Variants in PIEZO2 observed in about 807,000 individuals in gnomAD.
PIEZO2 encodes the protein piezo type mechanosensitive ion channel component 2.
PIEZO2 carries 172 observed loss-of-function variants against 337.3 expected under a neutral mutation model. The ratio of observed to expected loss-of-function variants is 0.51; its 90% CI spans 0.45 to 0.58. The LOEUF is 0.58. PIEZO2 is among the 20% of genes least tolerant of loss of function. The pLI is 0.00. For missense variants in PIEZO2, 3,028 were observed against 3,391.3 expected (o/e 0.89, Z 2.66); for synonymous variants, 1,251 against 1,228.5 (o/e 1.02, Z -0.38).
intron 4 of PIEZO2, among the ~76,000 whole-genome samples, chr18:10,889,426 T>C (rs1444092845): frequency 6.6e-6 from 1 of 152,246 alleles, no homozygotes; most frequent in Non-Finnish European, 1.5e-5. Flanking sequence ...CCCTGAAAAC[T>C]ATAAAGTGTG....
intron 30 of PIEZO2, among the ~76,000 whole-genome samples, chr18:10,745,358 C>T (rs1373203138): frequency 1.3e-5 from 2 of 152,086 alleles, no homozygotes; most frequent in Non-Finnish European, 2.9e-5. Flanking sequence ...CTTAAAAAAA[C>T]GAAAAAGAAA....
At chr18:10,797,608 T>C (rs1412929006) in intron 11 of PIEZO2, 86 bp from the exon 12 acceptor site, 3 of 1,484,026 alleles carry the variant, frequency 2.0e-6, no homozygotes, top group Admixed American at 5.0e-5. Flanking sequence ...ACATGTATGG[T>C]TTTGGTATAG....
rs1313310345 is a variant in PIEZO2, at chr18:11,083,285, T to C, written c.65-17063A>G. Among the ~76,000 whole-genome samples the C allele has an allele frequency of 1.3e-5, 2 of 152,250 alleles. No homozygotes were observed. Among genetic ancestry groups the C allele is most frequent in the East Asian group, 3.8e-4 (2 of 5,196 alleles). Reference sequence around the variant, plus strand: ...ATGTCCAGCTACTCTAAAAAGCTACTTTGTGGTTCTTTATGAAAAGAGGGA... The same window carrying C: ...ATGTCCAGCTACTCTAAAAAGCTACCTTGTGGTTCTTTATGAAAAGAGGGA... On this transcript the variant is annotated intron_variant, in intron 1 of 55. Coordinates refer to ENST00000674853, the MANE Select transcript of PIEZO2 (RefSeq NM_001378183.1). This position sits in a 1 kb window ranked among gnomAD's most constrained non-coding sequence, Gnocchi z 4.4.
rs2041902354 is a variant in PIEZO2 at position 10,862,498 on chromosome 18, CCA to C, written c.493-5289_493-5288del. On this transcript the variant is annotated intron_variant, in intron 5 of 55. Coordinates refer to ENST00000674853, the MANE Select transcript of PIEZO2 (RefSeq NM_001378183.1). The surrounding 1 kb of genome is among the most constrained non-coding windows in gnomAD (Gnocchi z 4.4). The stretch of plus-strand genomic sequence containing the variant: ...CTCTCACCCTACAGCAGTACTGGTT[CCA>C]TTAAGCCGTGGCATCCACCATGATT... 1.3e-5 allele frequency among the ~76,000 whole-genome samples: 2 copies of C among 152,194 alleles called. No homozygotes were observed. The highest frequency in any genetic ancestry group is 2.9e-5 in the Non-Finnish European group (2 of 68,046).
intron 3 of PIEZO2, among the ~76,000 whole-genome samples, chr18:10,932,957 A>G (rs1042476070): frequency 2.0e-5 from 3 of 151,972 alleles, no homozygotes; most frequent in Non-Finnish European, 2.9e-5. Flanking sequence ...ATGAAAAGGA[A>G]AGGAGAGAAC....
intron 3 of PIEZO2, among the ~76,000 whole-genome samples, chr18:10,941,897 T>G (rs377470727): frequency 6.6e-6 from 1 of 152,138 alleles, no homozygotes; most frequent in East Asian, 1.9e-4. Context: ...AGGGACCCAG[T>G]GGGAGATGAC....
At chr18:10,790,929 G>C (rs950234275) in intron 14 of PIEZO2, among the ~76,000 whole-genome samples, 2 of 152,080 alleles carry the variant, frequency 1.3e-5, no homozygotes, top group Admixed American at 1.3e-4. Flanking sequence ...TGGTCTCAAT[G>C]TCCTGACCTC....
Position 10,767,692 on chromosome 18 carries a change from CT to C in PIEZO2, c.2946+2455del, listed in dbSNP as rs2038422028. On this transcript the variant is annotated intron_variant, in intron 21 of 55. Coordinates refer to ENST00000674853, the MANE Select transcript of PIEZO2 (RefSeq NM_001378183.1). This position sits in a 1 kb window ranked among gnomAD's most constrained non-coding sequence, Gnocchi z 4.2. ...TCCATGTGTACAAGCAGAGCAGGGC[CT>C]GTGTGAGGGTGGCCCCTGGTCCTGA... Among the ~76,000 whole-genome samples the C allele has an allele frequency of 2.6e-5, 4 of 152,224 alleles. No homozygotes were observed. The Middle Eastern group carries it at 0.014, about 518-fold the overall frequency.
intron 1 of PIEZO2, among the ~76,000 whole-genome samples, chr18:11,138,269 T>C (rs1346977092): frequency 2.6e-5 from 4 of 152,148 alleles, no homozygotes; most frequent in East Asian, 3.9e-4. Context: ...CCAAAAGATA[T>C]AGTGTTTTTT....
intron 36 of PIEZO2, chr18:10,725,264 T>C (rs2036486185): frequency 5.1e-6 from 8 of 1,564,382 alleles, no homozygotes; most frequent in Non-Finnish European, 6.2e-6. Flanking sequence ...AGGCAGCTGC[T>C]CACCAAGTGC....
chr18:10,724,865 C>A lies in PIEZO2; in HGVS notation c.5029+6542G>T. 5.6e-6 allele frequency: 9 copies of A among 1,608,486 alleles called. No homozygotes were observed. Among genetic ancestry groups the A allele is most frequent in the Non-Finnish European group, 6.8e-6 (8 of 1,177,632 alleles). On this transcript the variant is annotated intron_variant, in intron 36 of 55. Coordinates refer to ENST00000674853, the MANE Select transcript of PIEZO2 (RefSeq NM_001378183.1). This position sits in a 1 kb window ranked among gnomAD's most constrained non-coding sequence, Gnocchi z 5.8. ...GGCCACATGCGTCGCAGTGAGAGCACCTACTCTGTAAATAGTACTGGCCGG... is the reference window on the plus strand; with the variant it reads ...GGCCACATGCGTCGCAGTGAGAGCAACTACTCTGTAAATAGTACTGGCCGG...
chr18:10,967,261 C>T (rs188775396), intron 3 of PIEZO2, among the ~76,000 whole-genome samples: 1 of 152,200 alleles, frequency 6.6e-6, no homozygotes, highest in Non-Finnish European at 1.5e-5. Context: ...TCATGATCCA[C>T]CTGCCTCGGC....
intron 1 of PIEZO2, among the ~76,000 whole-genome samples, chr18:11,139,939 G>A (rs527508664): frequency 1.3e-5 from 2 of 152,242 alleles, no homozygotes; most frequent in East Asian, 3.9e-4. Flanking sequence ...ACCCAATGCC[G>A]TAGGACTCTC....
At chr18:11,079,546 A>G (rs377653119) in intron 1 of PIEZO2, among the ~76,000 whole-genome samples, 15 of 152,216 alleles carry the variant, frequency 9.9e-5, no homozygotes, top group East Asian at 3.8e-4. Context: ...AACAGGTCCT[A>G]GGCCACTTTG....
At chr18:10,782,816 C>T (rs2039079757) in intron 17 of PIEZO2, among the ~76,000 whole-genome samples, 1 of 151,990 alleles carries the variant, frequency 6.6e-6, no homozygotes, top group Non-Finnish European at 1.5e-5. Context: ...TGCAGTCTTT[C>T]CCCAGAACCT....
intron 1 of PIEZO2, among the ~76,000 whole-genome samples, chr18:11,084,359 C>A (rs1049883863): frequency 6.6e-6 from 1 of 152,164 alleles, no homozygotes; most frequent in East Asian, 1.9e-4. Context: ...TGTTAGGCTA[C>A]AAGCCCTTCT....
intron 49 of PIEZO2, among the ~76,000 whole-genome samples, chr18:10,688,076 T>A (rs73395383): frequency 0.14 from 21,682 of 152,230 alleles, 2,891 homozygotes; most frequent in African/African-American, 0.35. Flanking sequence ...GCCGTGGTGG[T>A]TTGCTGCACC....
At chr18:10,793,699 A>G (rs1222821118) in intron 13 of PIEZO2, among the ~76,000 whole-genome samples, 1 of 152,194 alleles carries the variant, frequency 6.6e-6, no homozygotes, top group Non-Finnish European at 1.5e-5. Context: ...AGAGTGTTAG[A>G]TGAAGGTGCC....
At chr18:10,788,673 G>A (rs1415412990) in intron 15 of PIEZO2, among the ~76,000 whole-genome samples, 2 of 152,122 alleles carry the variant, frequency 1.3e-5, no homozygotes, top group South Asian at 2.1e-4. Context: ...GACCTCCTGG[G>A]ATCAAGTGAT....
Sources: allele counts gnomAD v4.1 joint callset (sites outside exome capture counted in the v4.1 genomes callset), GRCh38; gene constraint gnomAD v4.1.1; non-coding constraint Gnocchi (gnomAD v3.1); transcripts MANE v1.5; gene names NCBI Gene and HGNC (gene_info 2026-07-23, HGNC 2026-07-21).